ZMYM4: variants seen among roughly 807,000 people sequenced by gnomAD.
ZMYM4 encodes zinc finger MYM-type containing 4, also known as zinc finger MYM-type protein 4.
A neutral mutation model predicts 183.2 loss-of-function variants in ZMYM4; 31 were observed. The ratio of observed to expected loss-of-function variants is 0.17; its 90% CI spans 0.13 to 0.23. The LOEUF is 0.23. Among genes scored for constraint, ZMYM4 ranks in the 10% least tolerant of loss-of-function variants. ZMYM4 has a pLI of 1.00. For missense variants in ZMYM4, 1,273 were observed against 1,840.3 expected (o/e 0.69, Z 5.64); for synonymous variants, 592 against 631.2 (o/e 0.94, Z 0.93).
chr1:35,346,195 T>A (rs1643384639), intron 2 of ZMYM4, among the ~76,000 whole-genome samples: 1 of 152,184 alleles, frequency 6.6e-6, no homozygotes, highest in Admixed American at 6.5e-5. Context: ...GACACTTGGG[T>A]TTCTTCTACC....
At chr1:35,270,918 G>A (rs761891533) in intron 1 of ZMYM4, among the ~76,000 whole-genome samples, 11 of 152,088 alleles carry the variant, frequency 7.2e-5, no homozygotes, top group Non-Finnish European at 1.5e-4. Context: ...CCATTGATAA[G>A]TTTACGAAAT....
chr1:35,398,822 CTATTT>C (rs1288635436), intron 21 of ZMYM4, 37 bp from the exon 22 acceptor site: 5 of 1,595,062 alleles, frequency 3.1e-6, no homozygotes, highest in Non-Finnish European at 4.3e-6. Flanking sequence ...CAAGATGAGG[CTATTT>C]TATTTTGAGG....
At chr1:35,281,600 C>T (rs1052004469) in intron 1 of ZMYM4, among the ~76,000 whole-genome samples, 1 of 151,688 alleles carries the variant, frequency 6.6e-6, no homozygotes, top group Non-Finnish European at 1.5e-5. Flanking sequence ...TATCAAAACA[C>T]CACTGTGTAC....
intron 2 of ZMYM4, among the ~76,000 whole-genome samples, chr1:35,352,180 C>CT (rs1433652838): frequency 1.3e-5 from 2 of 152,118 alleles, no homozygotes; most frequent in Non-Finnish European, 2.9e-5. Flanking sequence ...GGGAGGATCG[C>CT]TTGAGTCCAG....
In ZMYM4 at chr1:35,268,759, A is replaced by G. The variant is rs1164061559; in HGVS notation, c.-288A>G. ...GCAGGCGGAGGAATTTCTCTGAGAG[A>G]AAATAATCCTACTCACGGGGCCCCT... On this transcript the variant is annotated 5_prime_UTR_variant, in exon 1 of 30. Coordinates refer to ENST00000314607, the MANE Select transcript of ZMYM4 (RefSeq NM_005095.3). Among the ~76,000 whole-genome samples, 1 of 152,200 alleles carries G rather than the reference A, an allele frequency of 6.6e-6. No homozygotes were observed. The highest frequency in any genetic ancestry group is 6.5e-5 in the Admixed American group (1 of 15,286).
At chr1:35,385,851 A>G (rs551534174) in intron 10 of ZMYM4, among the ~76,000 whole-genome samples, 129 of 152,046 alleles carry the variant, frequency 8.5e-4, no homozygotes, top group African/African-American at 2.9e-3. Context: ...TTGAAGTTTC[A>G]TTTATCTGGT....
intron 1 of ZMYM4, among the ~76,000 whole-genome samples, chr1:35,312,489 C>A (rs1641847349): frequency 6.6e-6 from 1 of 152,180 alleles, no homozygotes; most frequent in Non-Finnish European, 1.5e-5. Flanking sequence ...TTAACACCAT[C>A]CATATCCAGA....
chr1:35,304,845 C>A (rs1226487839), intron 1 of ZMYM4, among the ~76,000 whole-genome samples: 1 of 151,586 alleles, frequency 6.6e-6, no homozygotes, highest in Non-Finnish European at 1.5e-5. Context: ...CACAAGTAAA[C>A]TTTATTTTTT....
intron 5 of ZMYM4, among the ~76,000 whole-genome samples, chr1:35,363,009 A>G (rs759174526): frequency 2.4e-4 from 36 of 152,228 alleles, no homozygotes; most frequent in Non-Finnish European, 5.0e-4. Flanking sequence ...CATCTCTACT[A>G]AAAATACAAA....
At chr1:35,367,690 T>A (rs607003) in intron 5 of ZMYM4, among the ~76,000 whole-genome samples, 36,879 of 152,084 alleles carry the variant, frequency 0.24, 9,227 homozygotes, top group East Asian at 0.77. Flanking sequence ...TAGAGAAAGA[T>A]AAAGAGGTGG....
At chr1:35,291,695 T>C (rs1181213172) in intron 1 of ZMYM4, among the ~76,000 whole-genome samples, 1 of 149,506 alleles carries the variant, frequency 6.7e-6, no homozygotes, top group East Asian at 2.0e-4. Context: ...TGGAGTGCAA[T>C]GGTGCAATCT....
chr1:35,377,729 A>G (rs1256970537), intron 7 of ZMYM4, among the ~76,000 whole-genome samples: 1 of 152,214 alleles, frequency 6.6e-6, no homozygotes, highest in Non-Finnish European at 1.5e-5. Flanking sequence ...AGTGAGTCAT[A>G]ATCTTATTAC....
chr1:35,308,397 G>T (rs1173064557), intron 1 of ZMYM4, among the ~76,000 whole-genome samples: 1 of 152,134 alleles, frequency 6.6e-6, no homozygotes, highest in Non-Finnish European at 1.5e-5. Flanking sequence ...ACTGTCTCCC[G>T]TGCCAGGTGC....
intron 11 of ZMYM4, among the ~76,000 whole-genome samples, 175 bp from the exon 12 acceptor site, chr1:35,386,828 T>G (rs931210502): frequency 1.3e-5 from 2 of 152,208 alleles, no homozygotes; most frequent in African/African-American, 4.8e-5. Context: ...ATTTTATTTT[T>G]TCATCATAAA....
At chr1:35,329,265 A>G (rs1642634245) in intron 2 of ZMYM4, among the ~76,000 whole-genome samples, 1 of 152,200 alleles carries the variant, frequency 6.6e-6, no homozygotes, top group Non-Finnish European at 1.5e-5. Context: ...CGTTTCTTCA[A>G]GTTTGTTCTC....
chr1:35,339,925 A>T (rs1264179919), intron 2 of ZMYM4, among the ~76,000 whole-genome samples: 1 of 151,786 alleles, frequency 6.6e-6, no homozygotes, highest in African/African-American at 2.4e-5. Flanking sequence ...CCACATTCTC[A>T]GTTAATGTTT....
Position 35,389,190 on chromosome 1 carries a change from A to T in ZMYM4, c.2436+108A>T. 8.7e-7 allele frequency: 1 copy of T among 1,150,550 alleles called. No homozygotes were observed. Among genetic ancestry groups the T allele is most frequent in the Non-Finnish European group, 1.2e-6 (1 of 835,240 alleles). 71.3% of individuals were successfully genotyped at this position (1,150,550 alleles called of 1,614,324 possible). A position where few individuals can be genotyped will look rare whatever the true frequency, so the allele number is the denominator to read the frequency against. On this transcript the variant is annotated intron_variant, in intron 14 of 29. Coordinates refer to ENST00000314607, the MANE Select transcript of ZMYM4 (RefSeq NM_005095.3). The surrounding 1 kb of genome is among the most constrained non-coding windows in gnomAD (Gnocchi z 4.0). ...ATTTAATTATTTAAAACTTTTAAGT[A>T]TTAAATGTTTTATGCCTTCTAGCAA...
chr1:35,317,926 G>A (rs1047643591), intron 1 of ZMYM4, among the ~76,000 whole-genome samples: 3 of 152,028 alleles, frequency 2.0e-5, no homozygotes, highest in Non-Finnish European at 2.9e-5. Flanking sequence ...ACAAAGAGAC[G>A]AATGTCATAG....
chr1:35,300,419 G>C lies in ZMYM4; in HGVS notation c.40-24941G>C, dbSNP rs763608307. Reference sequence around the variant, plus strand: ...TTGGTATGGTTTATTTCAAACTTCTGCACAGGGTTCATTGAGCATTCTGAT... The same window carrying C: ...TTGGTATGGTTTATTTCAAACTTCTCCACAGGGTTCATTGAGCATTCTGAT... On this transcript the variant is annotated intron_variant, in intron 1 of 29. Transcript: ENST00000314607. 2.0e-5 allele frequency among the ~76,000 whole-genome samples: 3 copies of C among 152,106 alleles called. No individual in the cohort carries two copies. The South Asian group carries it at 6.2e-4, about 31-fold the overall frequency.
Sources: gnomAD v4.1 joint callset for allele counts (sites outside exome capture counted in the v4.1 genomes callset) on GRCh38, gnomAD v4.1.1 for gene constraint, Gnocchi (gnomAD v3.1) non-coding constraint, MANE v1.5 for transcripts, NCBI Gene and HGNC (gene_info 2026-07-23, HGNC 2026-07-21) for gene names.